The following RIT2 variants were observed in gnomAD, a reference collection of about 807,000 sequenced individuals.
The protein encoded by RIT2 is Ras like without CAAX 2, also known as GTP-binding protein Rit2.
In RIT2, 24 loss-of-function variants were observed where a neutral mutation model predicts 23.7. The ratio of observed to expected loss-of-function variants is 1.01; its 90% CI spans 0.73 to 1.43. The LOEUF (loss-of-function observed/expected upper bound fraction) is 1.43. RIT2 is among the 40% of genes most tolerant of loss of function. The probability of loss-of-function intolerance (pLI) is 0.00; values close to 1 mark genes in which losing one functional copy is unlikely to be tolerated. For synonymous variants in RIT2, 107 were observed against 91.1 expected (o/e 1.17, Z -0.99); for missense variants, 236 against 266.9 (o/e 0.88, Z 0.81).
At chr18:43,110,047 C>T (rs973248615) in intron 1 of RIT2, among the ~76,000 whole-genome samples, 1 of 152,136 alleles carries the variant, frequency 6.6e-6, no homozygotes, top group South Asian at 2.1e-4. Context: ...TTAGATACCT[C>T]TCCTACTTGC....
chr18:42,821,676 G>T (rs1287947548), intron 4 of RIT2, among the ~76,000 whole-genome samples: 1 of 152,096 alleles, frequency 6.6e-6, no homozygotes, highest in Non-Finnish European at 1.5e-5. Flanking sequence ...GTTTAGTTTG[G>T]AATATGTGTA....
At chr18:42,925,447 G>A (rs1909156665) in intron 3 of RIT2, among the ~76,000 whole-genome samples, 1 of 151,616 alleles carries the variant, frequency 6.6e-6, no homozygotes, top group Non-Finnish European at 1.5e-5. Context: ...TGATCTTTAG[G>A]AAAACATAAT....
At chr18:42,800,123 TA>T (rs1446234908) in intron 4 of RIT2, among the ~76,000 whole-genome samples, 4 of 152,218 alleles carry the variant, frequency 2.6e-5, no homozygotes, top group African/African-American at 7.2e-5. Context: ...AAATGGCATT[TA>T]TTTTTTAAAA....
chr18:43,023,906 G>C (rs895162988), intron 2 of RIT2, among the ~76,000 whole-genome samples: 5 of 152,028 alleles, frequency 3.3e-5, no homozygotes, highest in African/African-American at 1.2e-4. Context: ...AGGTAAGGAT[G>C]TTAGCTCTTA....
chr18:42,952,066 C>A (rs1189585871), intron 3 of RIT2, among the ~76,000 whole-genome samples: 2 of 152,088 alleles, frequency 1.3e-5, no homozygotes. Context: ...ATGGGAAAGA[C>A]CCACCCCCAT....
chr18:42,841,372 T>G (rs1165261954), intron 4 of RIT2, among the ~76,000 whole-genome samples: 1 of 152,182 alleles, frequency 6.6e-6, no homozygotes, highest in East Asian at 1.9e-4. Context: ...ATGTGTAGTT[T>G]CAAAGTTATA....
At chr18:42,929,455 G>T (rs1336801137) in intron 3 of RIT2, among the ~76,000 whole-genome samples, 1 of 152,126 alleles carries the variant, frequency 6.6e-6, no homozygotes, top group East Asian at 1.9e-4. Context: ...AATGGTTCTT[G>T]TGTAATAATT....
At chr18:42,943,838 T>C (rs542953399) in intron 3 of RIT2, among the ~76,000 whole-genome samples, 1 of 152,258 alleles carries the variant, frequency 6.6e-6, no homozygotes, top group East Asian at 1.9e-4. Context: ...TATGGAGTTA[T>C]CCTTCTCTTT....
At chr18:42,951,595 A>G (rs894674726) in intron 3 of RIT2, among the ~76,000 whole-genome samples, 1 of 146,364 alleles carries the variant, frequency 6.8e-6, no homozygotes, top group Admixed American at 6.8e-5. Context: ...TAAAAAAGAA[A>G]AAAATATATA....
intron 4 of RIT2, among the ~76,000 whole-genome samples, chr18:42,921,729 C>A (rs1174913508): frequency 6.6e-6 from 1 of 152,032 alleles, no homozygotes; most frequent in East Asian, 1.9e-4. Context: ...CTAACTGAAA[C>A]CCTGTCAGAG....
intron 1 of RIT2, among the ~76,000 whole-genome samples, chr18:43,114,315 A>G (rs969678271): frequency 6.6e-6 from 1 of 151,968 alleles, no homozygotes; most frequent in Non-Finnish European, 1.5e-5. Context: ...ACTATCTTTA[A>G]CTTTGTTGTC....
intron 4 of RIT2, among the ~76,000 whole-genome samples, chr18:42,878,747 A>G (rs538557117): frequency 1.2e-4 from 19 of 152,064 alleles, no homozygotes; most frequent in African/African-American, 4.6e-4. Flanking sequence ...CCATACTTAC[A>G]TTGTAACTTC....
chr18:42,999,353 A>G (rs1911055094), intron 2 of RIT2, among the ~76,000 whole-genome samples: 1 of 152,108 alleles, frequency 6.6e-6, no homozygotes, highest in Non-Finnish European at 1.5e-5. Context: ...GATTGCATAG[A>G]GTACAATCCT....
chr18:43,024,044 T>TA (rs1031582313), intron 2 of RIT2, among the ~76,000 whole-genome samples: 33 of 152,020 alleles, frequency 2.2e-4, no homozygotes, highest in Admixed American at 3.9e-4. Flanking sequence ...GGAAGAATGC[T>TA]AAAAAATAAA....
intron 4 of RIT2, among the ~76,000 whole-genome samples, chr18:42,779,890 C>G (rs1022747728): frequency 1.3e-5 from 2 of 151,962 alleles, no homozygotes; most frequent in African/African-American, 4.8e-5. Flanking sequence ...ATCCAAGGAT[C>G]TTGGATTTTT....
At chr18:42,782,315 G>C (rs952704428) in intron 4 of RIT2, among the ~76,000 whole-genome samples, 1 of 152,026 alleles carries the variant, frequency 6.6e-6, no homozygotes, top group African/African-American at 2.4e-5. Flanking sequence ...TTATTCCTTA[G>C]TGTTATATAA....
intron 1 of RIT2, among the ~76,000 whole-genome samples, chr18:43,069,780 G>T (rs1012798405): frequency 6.6e-6 from 1 of 152,070 alleles, no homozygotes; most frequent in African/African-American, 2.4e-5. Context: ...TCTTTCTGGA[G>T]TATTCTTTCA....
intron 1 of RIT2, among the ~76,000 whole-genome samples, chr18:43,105,160 G>A (rs1203061892): frequency 6.6e-6 from 1 of 150,798 alleles, no homozygotes; most frequent in Non-Finnish European, 1.5e-5. Context: ...GTTTGTGTGT[G>A]GTATGGGTCA....
chr18:42,953,353 A>G (rs2144176059), intron 3 of RIT2, among the ~76,000 whole-genome samples: 1 of 152,266 alleles, frequency 6.6e-6, no homozygotes, highest in African/African-American at 2.4e-5. Context: ...AGAATCAATG[A>G]TTAGAAAGGA....
Sources: gnomAD v4.1 joint callset for allele counts (sites outside exome capture counted in the v4.1 genomes callset) on GRCh38, gnomAD v4.1.1 for gene constraint, MANE v1.5 for transcripts, NCBI Gene and HGNC (gene_info 2026-07-23, HGNC 2026-07-21) for gene names.